LRRC4C: variants seen among roughly 807,000 people sequenced by gnomAD.
LRRC4C encodes the protein leucine rich repeat containing 4C, also known as leucine-rich repeat-containing protein 4C.
In LRRC4C, 5 loss-of-function variants were observed where a neutral mutation model predicts 33.6. The ratio of observed to expected loss-of-function variants is 0.15; its 90% CI spans 0.08 to 0.31. LRRC4C has a LOEUF of 0.31. Among genes scored for constraint, LRRC4C ranks in the 10% least tolerant of loss-of-function variants. The probability of loss-of-function intolerance (pLI) is 1.00; values close to 1 mark genes in which losing one functional copy is unlikely to be tolerated. For synonymous variants in LRRC4C, 329 were observed against 302.0 expected, an observed-to-expected ratio of 1.09 and a Z score of -0.93; for missense variants, 560 against 796.7, an observed-to-expected ratio of 0.70 and a Z score of 3.58.
chr11:41,316,262 C>CAAAAAAAAAAAAAAAAAAAAAA lies in LRRC4C; in HGVS notation c.-496+143168_-496+143169insTTTTTTTTTTTTTTTTTTTTTT, dbSNP rs60671406. On this transcript the variant is annotated intron_variant, in intron 1 of 6. Coordinates refer to ENST00000528697, the MANE Select transcript of LRRC4C (RefSeq NM_001258419.2). ...GAAACCAGTAAAAATCTCTGGATGGCAAAAAAAAAAAAAAAAACAAAAAAA... is the reference window on the plus strand; with the variant it reads ...GAAACCAGTAAAAATCTCTGGATGGCAAAAAAAAAAAAAAAAAAAAAAAAAAAAAAAAAAAAAAACAAAAAAA... 6.4e-4 allele frequency among the ~76,000 whole-genome samples: 50 copies of CAAAAAAAAAAAAAAAAAAAAAA among 78,016 alleles called. 1 individual carries two copies. The highest frequency in any genetic ancestry group is 7.8e-3 in the Middle Eastern group (1 of 128). The allele number at this position is 78,016 out of a possible 152,430, so 51.2% of individuals were successfully genotyped here. A position where few individuals can be genotyped will look rare whatever the true frequency, so the allele number is the denominator to read the frequency against.
intron 2 of LRRC4C, among the ~76,000 whole-genome samples, chr11:40,679,249 G>A (rs765086414): frequency 6.6e-6 from 1 of 152,078 alleles, no homozygotes; most frequent in Non-Finnish European, 1.5e-5. Flanking sequence ...GTTGACTTGG[G>A]TGCTGTTAAA....
At chr11:40,581,572 A>G (rs1958466466) in intron 3 of LRRC4C, among the ~76,000 whole-genome samples, 1 of 152,082 alleles carries the variant, frequency 6.6e-6, no homozygotes, top group Non-Finnish European at 1.5e-5. Context: ...TCACCTTGCT[A>G]CCTCCTGACA....
At chr11:40,722,072 C>A (rs775092259) in intron 2 of LRRC4C, among the ~76,000 whole-genome samples, 7 of 152,098 alleles carry the variant, frequency 4.6e-5, no homozygotes, top group Non-Finnish European at 7.4e-5. Context: ...GTTTTTACAT[C>A]CACAAAAAAA....
chr11:40,908,892 T>C (rs569674530), intron 2 of LRRC4C, among the ~76,000 whole-genome samples: 22 of 152,300 alleles, frequency 1.4e-4, no homozygotes, highest in East Asian at 1.3e-3. Context: ...ATTGAACTTC[T>C]AGCAAAGCAC....
At chr11:41,293,151 A>C in intron 1 of LRRC4C, among the ~76,000 whole-genome samples, 1 of 152,320 alleles carries the variant, frequency 6.6e-6, no homozygotes. Flanking sequence ...ATAACACAAT[A>C]TATATGATGT....
chr11:40,689,537 T>A (rs75358349), intron 2 of LRRC4C, among the ~76,000 whole-genome samples: 2,572 of 152,186 alleles, frequency 0.017, 70 homozygotes, highest in African/African-American at 0.058. Flanking sequence ...ACTTATCTGG[T>A]TTGAAGTTCT....
intron 1 of LRRC4C, among the ~76,000 whole-genome samples, chr11:40,964,416 A>G (rs1052417510): frequency 5.3e-5 from 8 of 151,794 alleles, no homozygotes; most frequent in South Asian, 2.1e-4. Context: ...CATGTGCACA[A>G]CGTGCAGGTT....
intron 5 of LRRC4C, among the ~76,000 whole-genome samples, chr11:40,143,607 T>A (rs545336916): frequency 2.0e-5 from 3 of 152,168 alleles, no homozygotes; most frequent in African/African-American, 7.2e-5. Flanking sequence ...CCACCTTTCA[T>A]GCAAATACCT....
intron 1 of LRRC4C, among the ~76,000 whole-genome samples, chr11:41,319,364 A>T (rs1385278698): frequency 2.0e-5 from 3 of 152,200 alleles, no homozygotes; most frequent in Admixed American, 1.3e-4. Context: ...ATTAATATCC[A>T]CATCTGTTAC....
intron 2 of LRRC4C, among the ~76,000 whole-genome samples, chr11:40,853,794 A>G (rs570377644): frequency 2.6e-5 from 4 of 152,326 alleles, no homozygotes; most frequent in African/African-American, 9.6e-5. Flanking sequence ...CACAGAACTG[A>G]GTCAGTTGCC....
chr11:41,448,304 CT>C (rs35728528), intron 1 of LRRC4C, among the ~76,000 whole-genome samples: 28,910 of 104,520 alleles, frequency 0.28, 2,900 homozygotes, highest in Non-Finnish European at 0.36. Flanking sequence ...TTACATAGAG[CT>C]TTTTTTTTTT....
intron 2 of LRRC4C, among the ~76,000 whole-genome samples, chr11:40,698,284 G>T (rs1945681847): frequency 6.6e-6 from 1 of 152,130 alleles, no homozygotes; most frequent in East Asian, 1.9e-4. Context: ...TCTTTTGAAA[G>T]TTACAAAATG....
chr11:40,892,717 A>G (rs113119115), intron 2 of LRRC4C, among the ~76,000 whole-genome samples: 23 of 152,332 alleles, frequency 1.5e-4, no homozygotes, highest in African/African-American at 5.5e-4. Context: ...TGCTTCACTT[A>G]TTAGGTACCT....
At chr11:40,720,256 A>C (rs10768626) in intron 2 of LRRC4C, among the ~76,000 whole-genome samples, 85,306 of 151,914 alleles carry the variant, frequency 0.56, 24,181 homozygotes, top group African/African-American at 0.62. Flanking sequence ...TATAAAGATA[A>C]CTCCATTTGG....
At chr11:41,297,278 C>T (rs1172084059) in intron 1 of LRRC4C, among the ~76,000 whole-genome samples, 2 of 152,084 alleles carry the variant, frequency 1.3e-5, no homozygotes, top group Admixed American at 6.6e-5. Context: ...TTATTGGATT[C>T]GGTTTGCTAG....
At chr11:40,196,447 A>C (rs1344561508) in intron 5 of LRRC4C, among the ~76,000 whole-genome samples, 1 of 152,238 alleles carries the variant, frequency 6.6e-6, no homozygotes, top group Admixed American at 6.5e-5. Context: ...AAGTCTGCCC[A>C]TGACTTGATT....
At chr11:40,699,477 G>C (rs963305357) in intron 2 of LRRC4C, among the ~76,000 whole-genome samples, 3 of 152,088 alleles carry the variant, frequency 2.0e-5, no homozygotes, top group African/African-American at 7.2e-5. Context: ...ACTAAGAGAG[G>C]AGCTATGATC....
intron 2 of LRRC4C, among the ~76,000 whole-genome samples, chr11:40,739,388 TTTC>T (rs1485586709): frequency 6.6e-6 from 1 of 151,884 alleles, no homozygotes; most frequent in Non-Finnish European, 1.5e-5. Context: ...ATGACAGGAT[TTTC>T]TTCTTTTTGA....
chr11:40,713,020 C>T (rs1232285367), intron 2 of LRRC4C, among the ~76,000 whole-genome samples: 1 of 150,738 alleles, frequency 6.6e-6, no homozygotes, highest in Non-Finnish European at 1.5e-5. Context: ...TCCGGAGTAG[C>T]TGGGACTGCA....
Sources: allele counts gnomAD v4.1 joint callset (sites outside exome capture counted in the v4.1 genomes callset), GRCh38; gene constraint gnomAD v4.1.1; transcripts MANE v1.5; gene names NCBI Gene and HGNC (gene_info 2026-07-23, HGNC 2026-07-21).